The following LVRN variants were observed in gnomAD, a reference collection of about 807,000 sequenced individuals.
LVRN encodes aminopeptidase Q.
In LVRN, 99 loss-of-function variants were observed where a neutral mutation model predicts 111.4. The observed-to-expected ratio is 0.89, with a 90% CI of 0.76 to 1.05. The LOEUF (loss-of-function observed/expected upper bound fraction) is 1.05, where lower values mean the gene tolerates loss of function less well. Ranked by LOEUF, LVRN falls within the 50% of genes least tolerant of loss-of-function variation. The probability of loss-of-function intolerance (pLI) is 0.00; values close to 1 mark genes in which losing one functional copy is unlikely to be tolerated. For synonymous variants in LVRN, 488 were observed against 449.5 expected, an observed-to-expected ratio of 1.09 and a Z score of -1.08; for missense variants, 1,414 against 1,206.8, an observed-to-expected ratio of 1.17 and a Z score of -2.54.
chr5:115,995,185 C>T (rs951197703), intron 6 of LVRN, among the ~76,000 whole-genome samples: 1 of 152,162 alleles, frequency 6.6e-6, no homozygotes, highest in African/African-American at 2.4e-5. Context: ...TGGAAGTAAG[C>T]TTTCCTTTTT....
At chr5:115,971,445 CA>C (rs1265867556) in intron 1 of LVRN, among the ~76,000 whole-genome samples, 1 of 151,978 alleles carries the variant, frequency 6.6e-6, no homozygotes, top group Non-Finnish European at 1.5e-5. Flanking sequence ...TGCCTTCTTT[CA>C]GAAGTTTTAT....
chr5:116,010,509 C>T (rs1212851267), intron 13 of LVRN: 1 of 573,648 alleles, frequency 1.7e-6, no homozygotes, highest in East Asian at 3.9e-5. Flanking sequence ...CCTGAATTTT[C>T]TCTAGCCTTC....
chr5:116,018,834 G>T (rs1198052045), intron 18 of LVRN, among the ~76,000 whole-genome samples: 7 of 152,034 alleles, frequency 4.6e-5, no homozygotes, highest in Non-Finnish European at 1.0e-4. Context: ...CTTTTCAGTT[G>T]ATTTTTAAGA....
intron 1 of LVRN, among the ~76,000 whole-genome samples, chr5:115,968,090 C>A (rs914287966): frequency 5.9e-5 from 9 of 152,102 alleles, no homozygotes. Context: ...TCTTTTCCTG[C>A]CTGATTGTGT....
intron 15 of LVRN, among the ~76,000 whole-genome samples, chr5:116,013,373 G>T (rs1444624616): frequency 6.6e-6 from 1 of 152,186 alleles, no homozygotes; most frequent in Non-Finnish European, 1.5e-5. Flanking sequence ...AGGCAAAAGT[G>T]TGCTCAATCA....
At chr5:115,983,163 G>C (rs193224436) in intron 1 of LVRN, 124 bp from the exon 2 acceptor site, 2 of 1,063,926 alleles carry the variant, frequency 1.9e-6, no homozygotes, top group Non-Finnish European at 2.7e-6. Context: ...TGGGCAGTGA[G>C]GAAGATGAGA....
intron 18 of LVRN, among the ~76,000 whole-genome samples, chr5:116,018,954 A>T (rs1402849900): frequency 1.3e-5 from 2 of 152,070 alleles, no homozygotes; most frequent in African/African-American, 2.4e-5. Context: ...CCCTCTATCA[A>T]CATCCTGCAT....
In LVRN at chr5:115,999,797, C is replaced by G; in HGVS notation, c.1410C>G (p.Ile470Met). The change falls in exon 7 of 20, where the codon ATC becomes ATG. Residue 470 changes from isoleucine (I) to methionine (M), a missense_variant. By Grantham distance (10) the Ile-to-Met change is conservative. Coordinates refer to ENST00000357872, the MANE Select transcript of LVRN (RefSeq NM_173800.5). ...TTTTTTCTAACATTTTACATAATATCCTCAGAGAAGATCACGCCCTGGTGA... is the reference window on the plus strand; with the variant it reads ...TTTTTTCTAACATTTTACATAATATGCTCAGAGAAGATCACGCCCTGGTGA... ...EIFFSNILHN[I>M]LREDHALVTR... The G allele has an allele frequency of 6.2e-7, 1 of 1,613,292 alleles. No homozygotes were observed. Among genetic ancestry groups the G allele is most frequent in the South Asian group, 1.1e-5 (1 of 91,014 alleles).
intron 13 of LVRN, 110 bp downstream of exon 13, chr5:116,006,077 G>A: frequency 2.5e-6 from 2 of 798,488 alleles, no homozygotes; most frequent in South Asian, 3.9e-5. Context: ...GGCCATAACT[G>A]ATTAAGATTA....
At chr5:116,021,886 C>G in intron 18 of LVRN, 1 of 327,576 alleles carries the variant, frequency 3.1e-6, no homozygotes, top group Non-Finnish European at 5.9e-6. Context: ...ACAGGGAGAG[C>G]CATGGTGCTC....
At chr5:115,990,817 C>A (rs1747969801) in intron 4 of LVRN, among the ~76,000 whole-genome samples, 1 of 152,108 alleles carries the variant, frequency 6.6e-6, no homozygotes. Context: ...AGTGATCCGT[C>A]CGCCTAGCCC....
chr5:116,021,745 T>A, intron 18 of LVRN: 1 of 452,086 alleles, frequency 2.2e-6, no homozygotes, highest in Non-Finnish European at 4.4e-6. Context: ...CAGCCACACT[T>A]TGAGCAGGTA....
Position 116,022,438 on chromosome 5 carries a change from C to A in LVRN, c.2804C>A (p.Thr935Asn), listed in dbSNP as rs751097045. Reference sequence around the variant, plus strand: ...AATCTAATATATACAATAGGGAGAACCGTAACTACAGATTTACAGATTGTG... The same window carrying A: ...AATCTAATATATACAATAGGGAGAAACGTAACTACAGATTTACAGATTGTG... ...LINLIYTIGR[T>N]VTTDLQIVEL... Residue 935 changes from threonine (T) to asparagine (N), a missense_variant, in exon 19 of 20, where the codon ACC becomes AAC. Physicochemically the swap from Thr to Asn is moderately conservative, Grantham distance 65. Transcript: ENST00000357872. 1.3e-6 allele frequency: 2 copies of A among 1,561,538 alleles called. No individual in the cohort carries two copies. The highest frequency in any genetic ancestry group is 1.4e-5 in the African/African-American group (1 of 72,358).
intron 6 of LVRN, among the ~76,000 whole-genome samples, chr5:115,998,243 GA>G (rs1425718532): frequency 8.5e-6 from 1 of 118,082 alleles, no homozygotes; most frequent in Non-Finnish European, 1.9e-5. Flanking sequence ...TTGAAAAGAA[GA>G]AAATCATCTG....
At chr5:116,013,003 G>A (rs1748523498) in intron 15 of LVRN, among the ~76,000 whole-genome samples, 1 of 152,024 alleles carries the variant, frequency 6.6e-6, no homozygotes, top group African/African-American at 2.4e-5. Context: ...TGTCATGGTG[G>A]TCTAGGAAGG....
chr5:115,972,932 T>C (rs1753358296), intron 1 of LVRN, among the ~76,000 whole-genome samples: 1 of 141,774 alleles, frequency 7.1e-6, no homozygotes, highest in Admixed American at 7.0e-5. Context: ...TAGCCTTGCA[T>C]TTTTTTTTTT....
intron 12 of LVRN, among the ~76,000 whole-genome samples, chr5:116,004,468 T>C (rs970713594): frequency 5.3e-5 from 8 of 152,190 alleles, no homozygotes; most frequent in African/African-American, 1.9e-4. Context: ...TCTCTGTGTT[T>C]GAAAGTTCTC....
chr5:115,988,025 T>C, intron 4 of LVRN, 86 bp downstream of exon 4: 1 of 1,504,400 alleles, frequency 6.6e-7, no homozygotes, highest in East Asian at 2.3e-5. Flanking sequence ...GACAAACCCA[T>C]AAGGATTCAC....
chr5:115,988,327 A>G (rs1747915232), intron 4 of LVRN, among the ~76,000 whole-genome samples: 1 of 100,372 alleles, frequency 1.0e-5, no homozygotes. Context: ...AGTTCCCTTT[A>G]GTAAGTTTTT....
Sources: allele counts gnomAD v4.1 joint callset (sites outside exome capture counted in the v4.1 genomes callset), GRCh38; gene constraint gnomAD v4.1.1; transcripts MANE v1.5; gene names NCBI Gene and HGNC (gene_info 2026-07-23, HGNC 2026-07-21).